The following DOCK8 variants were observed in gnomAD, a reference collection of about 807,000 sequenced individuals.
DOCK8 encodes dedicator of cytokinesis 8.
A neutral mutation model predicts 245.6 loss-of-function variants in DOCK8; 141 were observed. That is an observed-to-expected ratio of 0.57 (90% CI 0.50 to 0.66). The LOEUF is 0.66. Among genes scored for constraint, DOCK8 ranks in the 30% least tolerant of loss-of-function variants. The pLI, the probability that DOCK8 is intolerant of heterozygous loss-of-function variation, is 0.00. For missense variants in DOCK8, 2,965 were observed against 2,603.4 expected (o/e 1.14, Z -3.02); for synonymous variants, 1,168 against 970.2 (o/e 1.20, Z -3.79).
chr9:449,672 C>G (rs1374025346), intron 44 of DOCK8, 112 bp from the exon 45 acceptor site: 1 of 1,365,566 alleles, frequency 7.3e-7, no homozygotes, highest in Non-Finnish European at 1.0e-6. Context: ...CTCTGAAAGT[C>G]TTTCCCTAGC....
chr9:406,794 A>C, intron 27 of DOCK8, 136 bp from the exon 28 acceptor site: 1 of 1,043,164 alleles, frequency 9.6e-7, no homozygotes, highest in Non-Finnish European at 1.4e-6. Flanking sequence ...TGTCCGCCTT[A>C]TCTGGCACCA....
At chr9:464,115 G>C (rs759013840) in intron 47 of DOCK8, 44 bp from the exon 48 acceptor site, 2 of 1,523,438 alleles carry the variant, frequency 1.3e-6, no homozygotes, top group Non-Finnish European at 1.8e-6. Flanking sequence ...TCTTGCTTCT[G>C]TACGCTCTCT....
Position 289,512 on chromosome 9 carries a change from T to C in DOCK8, c.335T>C (p.Val112Ala). 1 of 1,613,442 alleles carries C rather than the reference T, an allele frequency of 6.2e-7. No individual in the cohort carries two copies. The highest frequency in any genetic ancestry group is 2.2e-5 in the East Asian group (1 of 44,856). The part of the protein sequence containing the change: ...TLQPSLPEEG[V>A]ELDPHVRDCV... Reference sequence around the variant, plus strand: ...TATTTCATTTTCTACCTCATTAGGGTTGAACTGGACCCTCATGTCAGGGAC... The same window carrying C: ...TATTTCATTTTCTACCTCATTAGGGCTGAACTGGACCCTCATGTCAGGGAC... The change falls in exon 4 of 48, where the codon GTT becomes GCT. Residue 112 changes from valine to alanine, a missense_variant and splice_region_variant. This residue lies in a region of DOCK8 where 2,825 missense variants were observed against 2,453.5 expected (regional missense o/e 1.15). Transcript: ENST00000432829.
rs371689617 is a variant in DOCK8, at chr9:426,992, C to T, written c.4338+11C>T. 1.2e-5 allele frequency: 20 copies of T among 1,607,820 alleles called. No homozygotes were observed. In the East Asian group the frequency reaches 2.5e-4, roughly 20 times the overall value. On this transcript the variant is annotated intron_variant, in intron 34 of 47. Coordinates refer to ENST00000432829, the MANE Select transcript of DOCK8 (RefSeq NM_203447.4). ...GAAAACATTATCCAGGTGAGGAAAA[C>T]AAACACCCAATCTGATTTGTTGGCC...
chr9:372,309 G>C (rs1418370189), intron 18 of DOCK8, 23 bp downstream of exon 18: 5 of 1,581,868 alleles, frequency 3.2e-6, no homozygotes, highest in Non-Finnish European at 4.3e-6. Context: ...CTGGCCATCA[G>C]CTGTTTCTTG....
chr9:387,800 A>T (rs1285888296), intron 23 of DOCK8, among the ~76,000 whole-genome samples: 1 of 152,234 alleles, frequency 6.6e-6, no homozygotes, highest in East Asian at 1.9e-4. Context: ...GGTTATAGGT[A>T]TTATACCATT....
intron 1 of DOCK8, among the ~76,000 whole-genome samples, chr9:261,731 C>G (rs2047922243): frequency 6.6e-6 from 1 of 152,006 alleles, no homozygotes; most frequent in Non-Finnish European, 1.5e-5. Context: ...AATATTTTTC[C>G]TCTACTTTTG....
chr9:329,722 A>G (rs559787924), intron 9 of DOCK8, among the ~76,000 whole-genome samples: 36 of 152,338 alleles, frequency 2.4e-4, no homozygotes, highest in Non-Finnish European at 4.3e-4. Flanking sequence ...GCCAAATTTT[A>G]TCTCAAACTC....
chr9:457,911 T>C (rs2057691036), intron 46 of DOCK8, among the ~76,000 whole-genome samples: 1 of 152,170 alleles, frequency 6.6e-6, no homozygotes, highest in South Asian at 2.1e-4. Flanking sequence ...ACATCACAGA[T>C]GAAGAAACTA....
intron 33 of DOCK8, among the ~76,000 whole-genome samples, chr9:426,470 A>T (rs2056505708): frequency 6.6e-6 from 1 of 151,714 alleles, no homozygotes; most frequent in Non-Finnish European, 1.5e-5. Flanking sequence ...ATCCAGTCTC[A>T]CTCTCTCTCG....
chr9:344,199 G>T (rs933041622), intron 14 of DOCK8, among the ~76,000 whole-genome samples: 4 of 152,162 alleles, frequency 2.6e-5, no homozygotes, highest in African/African-American at 9.7e-5. Context: ...TCTCCAGTTT[G>T]GTTGTGGCCC....
At chr9:222,902 T>C (rs1436961701) in intron 1 of DOCK8, among the ~76,000 whole-genome samples, 1 of 152,254 alleles carries the variant, frequency 6.6e-6, no homozygotes, top group Non-Finnish European at 1.5e-5. Flanking sequence ...GCCTAAGCCA[T>C]AGCCCTTTTA....
At chr9:214,524 G>T (rs2046685743), upstream of DOCK8, 6 of 1,613,174 alleles carry the variant, frequency 3.7e-6, no homozygotes, top group East Asian at 1.3e-4. Context: ...AATCCCTGGG[G>T]TGATTCCCGA....
rs777072262 is a variant in DOCK8 at position 370,306 on chromosome 9, T to C, written c.1868+6T>C. On this transcript the variant is annotated splice_donor_region_variant and intron_variant, in intron 16 of 47. Transcript: ENST00000432829. ...GCTGTTACATACCATAATAAGTAAG[T>C]CTATTTCAGCATTCTAAATATATGC... 184 of 1,612,966 alleles carry C rather than the reference T, an allele frequency of 1.1e-4. No homozygotes were observed. Among genetic ancestry groups the C allele is most frequent in the Non-Finnish European group, 1.5e-4 (176 of 1,179,046 alleles).
chr9:228,568 T>G (rs922827298), intron 1 of DOCK8, among the ~76,000 whole-genome samples: 2 of 152,154 alleles, frequency 1.3e-5, no homozygotes, highest in African/African-American at 4.8e-5. Flanking sequence ...GAATTTTGCC[T>G]CCCCAACATT....
intron 9 of DOCK8, among the ~76,000 whole-genome samples, chr9:329,287 G>T (rs1249625637): frequency 1.3e-5 from 2 of 152,030 alleles, no homozygotes; most frequent in African/African-American, 2.4e-5. Context: ...ACAAATTCAG[G>T]TGTCTGATTT....
chr9:392,940 C>G (rs191892757), intron 24 of DOCK8, among the ~76,000 whole-genome samples: 3 of 151,720 alleles, frequency 2.0e-5, no homozygotes, highest in Non-Finnish European at 2.9e-5. Context: ...GAAAAAATTA[C>G]CTGGGTGTGG....
chr9:386,756 C>T (rs2053973414), intron 23 of DOCK8, among the ~76,000 whole-genome samples: 2 of 152,206 alleles, frequency 1.3e-5, no homozygotes, highest in South Asian at 2.1e-4. Flanking sequence ...CTAACAAGTT[C>T]CCAGCTGATG....
chr9:364,713 G>A (rs996820146), intron 14 of DOCK8, among the ~76,000 whole-genome samples: 1 of 151,528 alleles, frequency 6.6e-6, no homozygotes, highest in African/African-American at 2.4e-5. Context: ...AAGTCTTAAC[G>A]GTGATCTTCC....
Sources: gnomAD v4.1 joint callset for allele counts (sites outside exome capture counted in the v4.1 genomes callset) on GRCh38, gnomAD v4.1.1 for gene constraint, gnomAD v4.1.1 regional missense constraint, MANE v1.5 for transcripts, NCBI Gene and HGNC (gene_info 2026-07-23, HGNC 2026-07-21) for gene names.